Variants in MAML3 observed in about 807,000 individuals in gnomAD.
MAML3 encodes the protein mastermind-like protein 3.
In MAML3, 27 loss-of-function variants were observed where a neutral mutation model predicts 101.9. The observed-to-expected ratio is 0.27, with a 90% confidence interval of 0.20 to 0.37. The LOEUF is 0.37. Ranked by LOEUF, MAML3 falls within the 10% of genes least tolerant of loss-of-function variation. The pLI, the probability that MAML3 is intolerant of heterozygous loss-of-function variation, is 1.00. For synonymous variants in MAML3, 501 were observed against 555.9 expected, an observed-to-expected ratio of 0.90 and a Z score of 1.39; for missense variants, 1,316 against 1,444.9, an observed-to-expected ratio of 0.91 and a Z score of 1.45.
chr4:139,797,301 G>A (rs116456155), intron 2 of MAML3, among the ~76,000 whole-genome samples: 3,056 of 152,260 alleles, frequency 0.02, 62 homozygotes, highest in Non-Finnish European at 0.031. Flanking sequence ...CATGTCAGCA[G>A]GGTCATGCTA....
chr4:139,821,543 G>T (rs997882683), intron 2 of MAML3, among the ~76,000 whole-genome samples: 1 of 152,222 alleles, frequency 6.6e-6, no homozygotes, highest in Non-Finnish European at 1.5e-5. Flanking sequence ...GTGCCAAAAA[G>T]GTTGGGGACC....
intron 2 of MAML3, among the ~76,000 whole-genome samples, chr4:139,772,031 A>T (rs1299208761): frequency 6.6e-6 from 1 of 151,258 alleles, no homozygotes. Flanking sequence ...CGAGGTCAGC[A>T]GATCCAGACC....
intron 2 of MAML3, among the ~76,000 whole-genome samples, chr4:139,876,544 C>A (rs903259930): frequency 2.0e-5 from 3 of 152,228 alleles, no homozygotes; most frequent in Non-Finnish European, 4.4e-5. Context: ...CTTCAATCAC[C>A]CTTCTATTCG....
In MAML3 at chr4:139,735,827, C is replaced by T. The variant is rs908788170; in HGVS notation, c.2080-5160G>A. The stretch of plus-strand genomic sequence containing the variant: ...GCGCAGGCGGCCCTAACAAAGAAGC[C>T]CACGAGGCGGTCCCGGGCGCGGGCA... On this transcript the variant is annotated intron_variant, in intron 2 of 4. Coordinates refer to ENST00000509479, the MANE Select transcript of MAML3 (RefSeq NM_018717.5). The surrounding 1 kb of genome is among the most constrained non-coding windows in gnomAD (Gnocchi z 5.8). Among the ~76,000 whole-genome samples, 6 of 151,940 alleles carry T rather than the reference C, an allele frequency of 3.9e-5. No individual in the cohort carries two copies. The highest frequency in any genetic ancestry group is 1.5e-4 in the African/African-American group (6 of 41,366).
intron 2 of MAML3, among the ~76,000 whole-genome samples, chr4:139,748,415 G>A (rs984020522): frequency 6.6e-6 from 1 of 152,204 alleles, no homozygotes; most frequent in Non-Finnish European, 1.5e-5. Context: ...GGAAAGAAGT[G>A]GAGCTCAGAT....
intron 2 of MAML3, among the ~76,000 whole-genome samples, chr4:139,745,628 T>C (rs994805736): frequency 2.0e-5 from 3 of 152,224 alleles, no homozygotes; most frequent in African/African-American, 7.2e-5. Context: ...TCTATTATTG[T>C]GCTCTGCCCA....
In MAML3 at chr4:140,056,389, C is replaced by T. The variant is rs1410989114; in HGVS notation, c.468+96471G>A. On this transcript the variant is annotated intron_variant, in intron 1 of 4. Transcript: ENST00000509479. ...TTTTTTTTTTAAAGACAGAGTCTTGCTCTTGTCGCCCAGGCTGGAGTGCAA... is the reference window on the plus strand; with the variant it reads ...TTTTTTTTTTAAAGACAGAGTCTTGTTCTTGTCGCCCAGGCTGGAGTGCAA... Among the ~76,000 whole-genome samples the T allele has an allele frequency of 2.0e-5, 3 of 149,546 alleles. No homozygotes were observed. The Admixed American group carries it at 2.0e-4, about 10-fold the overall frequency.
At chr4:139,822,905 C>T (rs1045178479) in intron 2 of MAML3, among the ~76,000 whole-genome samples, 5 of 152,314 alleles carry the variant, frequency 3.3e-5, no homozygotes, top group South Asian at 2.1e-4. Context: ...AAATAGTTTG[C>T]GTGGTATCTC....
intron 2 of MAML3, among the ~76,000 whole-genome samples, chr4:139,768,849 C>A (rs950113812): frequency 6.6e-6 from 1 of 152,192 alleles, no homozygotes; most frequent in African/African-American, 2.4e-5. Flanking sequence ...CATCCTGCTT[C>A]CCCTCAGGTT....
At chr4:140,010,812 T>C (rs945001615) in intron 1 of MAML3, among the ~76,000 whole-genome samples, 4 of 152,056 alleles carry the variant, frequency 2.6e-5, no homozygotes, top group African/African-American at 9.7e-5. Flanking sequence ...CATTAAACAA[T>C]ATACATGAGG....
intron 1 of MAML3, among the ~76,000 whole-genome samples, chr4:139,996,295 T>C (rs1240232679): frequency 6.6e-6 from 1 of 152,216 alleles, no homozygotes; most frequent in South Asian, 2.1e-4. Flanking sequence ...AAGTGTTCTA[T>C]AGCATTGGTG....
At chr4:139,896,949 C>G (rs1732627929) in intron 1 of MAML3, among the ~76,000 whole-genome samples, 1 of 152,162 alleles carries the variant, frequency 6.6e-6, no homozygotes, top group Admixed American at 6.5e-5. Flanking sequence ...CAGGCCTCTG[C>G]TGACACGGGG....
intron 4 of MAML3, among the ~76,000 whole-genome samples, chr4:139,722,312 T>C (rs910198638): frequency 6.6e-6 from 1 of 152,214 alleles, no homozygotes; most frequent in Non-Finnish European, 1.5e-5. Context: ...CCACATTCTT[T>C]TTCACCTAAG....
intron 1 of MAML3, among the ~76,000 whole-genome samples, chr4:140,069,417 GA>G (rs1560883608): frequency 0.28 from 22,576 of 80,940 alleles, 4,884 homozygotes; most frequent in East Asian, 0.37. Flanking sequence ...GGAGGAGGAG[GA>G]GGGGAAGGAG....
At chr4:139,864,923 C>CTTTTTTTTTT (rs56361332) in intron 2 of MAML3, among the ~76,000 whole-genome samples, 1 of 62,466 alleles carries the variant, frequency 1.6e-5, no homozygotes, top group African/African-American at 5.9e-5. Flanking sequence ...TGCAAACTTG[C>CTTTTTTTTTT]TTTTTTTTTT....
At chr4:139,996,697 G>GTC (rs1734823171) in intron 1 of MAML3, among the ~76,000 whole-genome samples, 1 of 151,996 alleles carries the variant, frequency 6.6e-6, no homozygotes, top group African/African-American at 2.4e-5. Context: ...GTGTGTGTGT[G>GTC]TGTGTGTGTG....
intron 2 of MAML3, among the ~76,000 whole-genome samples, chr4:139,771,796 T>G (rs1453005543): frequency 6.6e-6 from 1 of 152,078 alleles, no homozygotes; most frequent in African/African-American, 2.4e-5. Flanking sequence ...AGATGTAGCT[T>G]TCGGGGGCCC....
intron 1 of MAML3, among the ~76,000 whole-genome samples, chr4:140,092,090 ATATATATATATACG>A (rs1283696923): frequency 5.1e-4 from 34 of 66,888 alleles, no homozygotes; most frequent in East Asian, 1.3e-3. Context: ...ATATATACGT[ATATATATATATACG>A]TATATATATA....
At chr4:140,150,991 G>A (rs1000730814) in intron 1 of MAML3, among the ~76,000 whole-genome samples, 3 of 151,522 alleles carry the variant, frequency 2.0e-5, no homozygotes, top group Admixed American at 1.3e-4. Flanking sequence ...GGGGAGCGGA[G>A]AGGAGGGACG....
Sources: allele counts gnomAD v4.1 joint callset (sites outside exome capture counted in the v4.1 genomes callset), GRCh38; gene constraint gnomAD v4.1.1; non-coding constraint Gnocchi (gnomAD v3.1); transcripts MANE v1.5; gene names NCBI Gene and HGNC (gene_info 2026-07-23, HGNC 2026-07-21).